The following CNTN5 variants were observed in gnomAD, a reference collection of about 807,000 sequenced individuals.
The protein encoded by CNTN5 is contactin-5.
Under a neutral mutation model 129.1 loss-of-function variants are expected in CNTN5, and 77 were observed. That is an observed-to-expected ratio of 0.60 (90% CI 0.50 to 0.72). CNTN5 has a LOEUF of 0.72. Ranked by LOEUF, CNTN5 falls within the 30% of genes least tolerant of loss-of-function variation. The pLI is 0.00. For synonymous variants in CNTN5, 509 were observed against 465.6 expected, an observed-to-expected ratio of 1.09 and a Z score of -1.20; for missense variants, 1,478 against 1,328.8, an observed-to-expected ratio of 1.11 and a Z score of -1.75.
chr11:100,041,704 A>G (rs17622421), intron 9 of CNTN5, among the ~76,000 whole-genome samples: 16,098 of 152,266 alleles, frequency 0.11, 934 homozygotes, highest in East Asian at 0.18. Flanking sequence ...TCAGTGCTAA[A>G]TAACTTATTT....
chr11:99,574,861 G>T (rs1949293728), intron 3 of CNTN5, among the ~76,000 whole-genome samples: 1 of 152,084 alleles, frequency 6.6e-6, no homozygotes, highest in African/African-American at 2.4e-5. Flanking sequence ...CACTCCGTAG[G>T]TTGTCTGTTC....
At chr11:99,467,426 AG>A (rs1411424499) in intron 2 of CNTN5, among the ~76,000 whole-genome samples, 2 of 152,312 alleles carry the variant, frequency 1.3e-5, no homozygotes, top group African/African-American at 4.8e-5. Flanking sequence ...TAGTTACATG[AG>A]TAACGTCTTC....
At chr11:100,079,410 A>G (rs1053561659) in intron 13 of CNTN5, among the ~76,000 whole-genome samples, 2 of 152,172 alleles carry the variant, frequency 1.3e-5, no homozygotes, top group African/African-American at 2.4e-5. Context: ...TCATCAATCT[A>G]TGTCCGCAAA....
Position 99,029,428 on chromosome 11 carries a change from T to A in CNTN5, c.-210+8158T>A, listed in dbSNP as rs12275160. On this transcript the variant is annotated intron_variant, in intron 1 of 24. Coordinates refer to ENST00000524871, the MANE Select transcript of CNTN5 (RefSeq NM_014361.4). ...GAAGTGAGAAGTTTGACCACTGACA[T>A]TGAAAAGATGGAAAATCGTTCAGTC... Among the ~76,000 whole-genome samples, 1,449 of 152,090 alleles carry A rather than the reference T, an allele frequency of 9.5e-3. 26 individuals are homozygous for A. Among genetic ancestry groups the A allele is most frequent in the African/African-American group, 0.033 (1,373 of 41,516 alleles).
rs567110079 is a variant in CNTN5 at position 99,148,070 on chromosome 11, T to C, written c.-210+126800T>C. 5.9e-5 allele frequency among the ~76,000 whole-genome samples: 9 copies of C among 152,242 alleles called. 1 individual carries two copies. The South Asian group carries it at 1.7e-3, about 28-fold the overall frequency. Reference sequence around the variant, plus strand: ...GCTTCATATTTTTGATTGGGTAATATAAATATTTTTATATTACATTTAAAA... The same window carrying C: ...GCTTCATATTTTTGATTGGGTAATACAAATATTTTTATATTACATTTAAAA... On this transcript the variant is annotated intron_variant, in intron 1 of 24. Transcript: ENST00000524871.
chr11:99,992,397 C>T (rs148145536), intron 8 of CNTN5, among the ~76,000 whole-genome samples: 5 of 152,172 alleles, frequency 3.3e-5, no homozygotes, highest in Admixed American at 3.3e-4. Context: ...CCACTGAATA[C>T]TGTATGTTTG....
chr11:100,238,367 C>G (rs1949662985), intron 16 of CNTN5, among the ~76,000 whole-genome samples: 1 of 123,888 alleles, frequency 8.1e-6, no homozygotes, highest in Admixed American at 1.0e-4. Context: ...AATAATCAGG[C>G]AAGTCATCCT....
At chr11:99,782,418 A>G (rs1945345069) in intron 3 of CNTN5, among the ~76,000 whole-genome samples, 1 of 150,014 alleles carries the variant, frequency 6.7e-6, no homozygotes, top group South Asian at 2.1e-4. Flanking sequence ...TAATTTACAG[A>G]TTCAATGCCA....
chr11:99,651,819 T>A (rs1280653430), intron 3 of CNTN5, among the ~76,000 whole-genome samples: 2 of 152,036 alleles, frequency 1.3e-5, no homozygotes, highest in Non-Finnish European at 2.9e-5. Context: ...GATATCCTTT[T>A]GTTTTTTACT....
At chr11:99,844,808 G>T in intron 4 of CNTN5, 44 bp from the exon 5 acceptor site, 1 of 1,561,262 alleles carries the variant, frequency 6.4e-7, no homozygotes, top group Non-Finnish European at 8.7e-7. Flanking sequence ...AAAATATCTT[G>T]CTAGTTTAAG....
intron 1 of CNTN5, among the ~76,000 whole-genome samples, chr11:99,131,001 C>T (rs61893384): frequency 0.066 from 10,002 of 151,734 alleles, 823 homozygotes; most frequent in East Asian, 0.34. Context: ...GGTGGCTCAC[C>T]CCTGTAATCC....
intron 13 of CNTN5, among the ~76,000 whole-genome samples, chr11:100,109,209 C>G (rs1451051644): frequency 1.3e-5 from 2 of 152,160 alleles, no homozygotes; most frequent in African/African-American, 2.4e-5. Context: ...GGATGGATCA[C>G]GAAGTCAGGC....
At chr11:99,527,098 C>G (rs543396005) in intron 2 of CNTN5, among the ~76,000 whole-genome samples, 3 of 152,338 alleles carry the variant, frequency 2.0e-5, no homozygotes, top group East Asian at 3.9e-4. Flanking sequence ...AGCCACTTGT[C>G]TCCCCTAGGA....
At chr11:100,232,394 C>T (rs375426789) in intron 16 of CNTN5, among the ~76,000 whole-genome samples, 14 of 152,094 alleles carry the variant, frequency 9.2e-5, no homozygotes, top group Admixed American at 3.3e-4. Context: ...AAGTGAAATA[C>T]GAACCAATTC....
intron 13 of CNTN5, among the ~76,000 whole-genome samples, chr11:100,182,857 A>C (rs1948178905): frequency 6.6e-6 from 1 of 152,086 alleles, no homozygotes; most frequent in Admixed American, 6.6e-5. Flanking sequence ...GACTGGTAGA[A>C]AATAGTTGCA....
intron 1 of CNTN5, among the ~76,000 whole-genome samples, chr11:99,227,689 G>T (rs371067588): frequency 1.3e-5 from 2 of 152,054 alleles, no homozygotes; most frequent in Admixed American, 1.3e-4. Flanking sequence ...AAAATGTATC[G>T]TTTGAATTCA....
chr11:100,272,145 A>G (rs1950418666), intron 18 of CNTN5, among the ~76,000 whole-genome samples: 2 of 152,180 alleles, frequency 1.3e-5, no homozygotes, highest in Non-Finnish European at 2.9e-5. Flanking sequence ...CAATGATAAT[A>G]TATGAGTCTC....
chr11:99,762,500 C>T (rs927440508), intron 3 of CNTN5, among the ~76,000 whole-genome samples: 2 of 151,850 alleles, frequency 1.3e-5, no homozygotes, highest in Admixed American at 6.6e-5. Flanking sequence ...CCAATTTTCC[C>T]AGCACCATTT....
At chr11:99,084,487 G>T (rs917584900) in intron 1 of CNTN5, among the ~76,000 whole-genome samples, 2 of 152,170 alleles carry the variant, frequency 1.3e-5, no homozygotes, top group Admixed American at 1.3e-4. Flanking sequence ...AAATACAGAT[G>T]ATGATATTTG....
Sources: gnomAD v4.1 joint callset for allele counts (sites outside exome capture counted in the v4.1 genomes callset) on GRCh38, gnomAD v4.1.1 for gene constraint, MANE v1.5 for transcripts, NCBI Gene and HGNC (gene_info 2026-07-23, HGNC 2026-07-21) for gene names.